VIPR1: variants seen among roughly 807,000 people sequenced by gnomAD.
VIPR1 encodes vasoactive intestinal peptide receptor 1, also known as vasoactive intestinal polypeptide receptor 1.
In VIPR1, 59 loss-of-function variants were observed where a neutral mutation model predicts 58.8. That is an observed-to-expected ratio of 1.00 (90% CI 0.81 to 1.25). The LOEUF (loss-of-function observed/expected upper bound fraction) is 1.25, where lower values mean the gene tolerates loss of function less well. Ranked by LOEUF, VIPR1 falls within the 50% of genes most tolerant of loss-of-function variation. The pLI, the probability that VIPR1 is intolerant of heterozygous loss-of-function variation, is 0.00. For missense variants in VIPR1, 626 were observed against 602.7 expected, an observed-to-expected ratio of 1.04 and a Z score of -0.40; for synonymous variants, 251 against 242.1, an observed-to-expected ratio of 1.04 and a Z score of -0.34.
intron 1 of VIPR1, among the ~76,000 whole-genome samples, chr3:42,510,312 G>T (rs1161365027): frequency 6.6e-6 from 1 of 152,132 alleles, no homozygotes; most frequent in African/African-American, 2.4e-5. Context: ...TCTGTAGGAA[G>T]CCCAGACTCC....
rs1227837383 is a variant in VIPR1 at position 42,525,890 on chromosome 3, G to A, written c.296G>A (p.Arg99His). The change falls in exon 4 of 13, where the codon CGC (arginine) becomes CAC (histidine). Residue 99 changes from arginine (R) to histidine (H), a missense_variant. By Grantham distance (29) the Arg-to-His change is conservative. Transcript: ENST00000325123. ...CTTGCCCCTGCCCTCCACCCAGGCC[G>A]CAATGTAAGCCGCAGCTGCACCGAC... is the stretch of plus-strand genomic sequence containing the variant. ...IFKLFSSIQG[R>H]NVSRSCTDEG... 17 of 1,608,246 alleles carry A rather than the reference G, an allele frequency of 1.1e-5. No homozygotes were observed. The highest frequency in any genetic ancestry group is 6.7e-5 in the South Asian group (6 of 89,722).
chr3:42,496,225 G>A (rs764089651), intron 1 of VIPR1, among the ~76,000 whole-genome samples: 21 of 152,020 alleles, frequency 1.4e-4, no homozygotes, highest in Middle Eastern at 6.8e-3. Context: ...GCAAGACTCC[G>A]TCTCAAAAAA....
upstream of VIPR1, chr3:42,502,574 A>T: frequency 2.1e-6 from 1 of 470,228 alleles, no homozygotes; most frequent in Non-Finnish European, 3.3e-6. Context: ...CGCCCGTCAG[A>T]CGAGCCCCCG....
chr3:42,515,580 C>T (rs370362351), intron 2 of VIPR1, among the ~76,000 whole-genome samples: 2 of 152,238 alleles, frequency 1.3e-5, no homozygotes, highest in South Asian at 2.1e-4. Flanking sequence ...GCGTTCCCGT[C>T]GGGTGCCAAC....
chr3:42,525,146 G>A (rs1701161271), intron 3 of VIPR1, among the ~76,000 whole-genome samples: 2 of 151,870 alleles, frequency 1.3e-5, no homozygotes, highest in Non-Finnish European at 2.9e-5. Flanking sequence ...CTGGGGAGAG[G>A]ACACCTCCCC....
At chr3:42,499,336 G>A (rs538289081), upstream of VIPR1, among the ~76,000 whole-genome samples, 24 of 152,306 alleles carry the variant, frequency 1.6e-4, no homozygotes, top group African/African-American at 4.6e-4. Context: ...AGGCGAGGGC[G>A]GCACACAGCG....
intron 8 of VIPR1, 42 bp downstream of exon 8, chr3:42,531,573 G>C (rs1438801733): frequency 1.9e-6 from 3 of 1,587,500 alleles, no homozygotes; most frequent in Non-Finnish European, 2.6e-6. Flanking sequence ...GCCATCACTT[G>C]GGCAGGCCCC....
upstream of VIPR1, chr3:42,501,988 A>C (rs1407843722): frequency 6.6e-6 from 1 of 152,298 alleles, no homozygotes; most frequent in Non-Finnish European, 1.5e-5. This position sits in a 1 kb window ranked among gnomAD's most constrained non-coding sequence, Gnocchi z 4.8. Context: ...GCGCCCCACC[A>C]GGTCACCCGG....
chr3:42,494,449 T>C (rs1441409007), intron 1 of VIPR1, among the ~76,000 whole-genome samples: 2 of 152,242 alleles, frequency 1.3e-5, no homozygotes, highest in African/African-American at 4.8e-5. Flanking sequence ...TATAAAACTA[T>C]CTGAGCTTGG....
chr3:42,522,116 T>A (rs1280015197), intron 3 of VIPR1, among the ~76,000 whole-genome samples: 1,496 of 93,428 alleles, frequency 0.016, 40 homozygotes, highest in African/African-American at 0.068. Context: ...TTTTTTTTTT[T>A]TTTTTTTTTT....
At chr3:42,494,122 T>G (rs1170807691) in intron 1 of VIPR1, among the ~76,000 whole-genome samples, 1 of 152,248 alleles carries the variant, frequency 6.6e-6, no homozygotes, top group Non-Finnish European at 1.5e-5. Context: ...TTGTCTTAGC[T>G]CAGGAACTAG....
upstream of VIPR1, chr3:42,500,541 G>A (rs1401205860): frequency 2.0e-5 from 3 of 152,202 alleles, no homozygotes; most frequent in African/African-American, 7.2e-5. Flanking sequence ...GTTGAGGAGT[G>A]AGGGCTGAGG....
At chr3:42,526,115 C>A in intron 4 of VIPR1, 122 bp downstream of exon 4, 2 of 861,642 alleles carry the variant, frequency 2.3e-6, no homozygotes, top group Non-Finnish European at 3.6e-6. Flanking sequence ...TGGAGTCTGC[C>A]CTCCTCTAGC....
chr3:42,528,278 C>T, intron 6 of VIPR1, 155 bp downstream of exon 6: 1 of 1,046,930 alleles, frequency 9.6e-7, no homozygotes, highest in Non-Finnish European at 1.3e-6. Flanking sequence ...CACCCAACCC[C>T]ACCTGGCAGT....
intron 2 of VIPR1, 138 bp downstream of exon 2, chr3:42,513,992 A>G: frequency 1.0e-6 from 1 of 974,202 alleles, no homozygotes; most frequent in Non-Finnish European, 1.5e-6. Flanking sequence ...GCCAGATGGA[A>G]GAAGAAAGGG....
At chr3:42,503,330 C>T (rs1304669585) in intron 1 of VIPR1, among the ~76,000 whole-genome samples, 1 of 152,046 alleles carries the variant, frequency 6.6e-6, no homozygotes, top group Non-Finnish European at 1.5e-5. Context: ...CAGGCACATC[C>T]CTCCGTGTGC....
At chr3:42,535,136 C>T (rs1397990513) in intron 11 of VIPR1, 32 bp downstream of exon 11, 6 of 1,613,686 alleles carry the variant, frequency 3.7e-6, no homozygotes, top group Non-Finnish European at 5.1e-6. Context: ...CTGCATTCTT[C>T]CCTGGCTTTT....
At chr3:42,490,486 G>C (rs2125621910) in intron 1 of VIPR1, among the ~76,000 whole-genome samples, 1 of 152,306 alleles carries the variant, frequency 6.6e-6, no homozygotes, top group African/African-American at 2.4e-5. Context: ...TTTTTACCCA[G>C]ACCTGTGCAA....
chr3:42,512,517 G>C (rs898838299), intron 1 of VIPR1, among the ~76,000 whole-genome samples: 1 of 152,162 alleles, frequency 6.6e-6, no homozygotes, highest in Non-Finnish European at 1.5e-5. Flanking sequence ...CCCCCTTAAA[G>C]GAAGGTCCCC....
Sources: gnomAD v4.1 joint callset for allele counts (sites outside exome capture counted in the v4.1 genomes callset) on GRCh38, gnomAD v4.1.1 for gene constraint, Gnocchi (gnomAD v3.1) non-coding constraint, MANE v1.5 for transcripts, NCBI Gene and HGNC (gene_info 2026-07-23, HGNC 2026-07-21) for gene names.